Variants in CSMD1 observed in about 807,000 individuals in gnomAD.
The protein encoded by CSMD1 is CUB and sushi domain-containing protein 1.
In CSMD1, 213 loss-of-function variants were observed where a neutral mutation model predicts 417.5. That is an observed-to-expected ratio of 0.51 (90% CI 0.46 to 0.57). The LOEUF is 0.57. Ranked by LOEUF, CSMD1 falls within the 20% of genes least tolerant of loss-of-function variation. The pLI, the probability that CSMD1 is intolerant of heterozygous loss-of-function variation, is 0.00. For synonymous variants in CSMD1, 2,862 were observed against 1,736.8 expected (o/e 1.65, Z -16.11); for missense variants, 6,923 against 4,529.7 (o/e 1.53, Z -15.17).
At chr8:4,242,308 T>C (rs1322947113) in intron 3 of CSMD1, among the ~76,000 whole-genome samples, 1 of 152,144 alleles carries the variant, frequency 6.6e-6, no homozygotes, top group Non-Finnish European at 1.5e-5. Context: ...TTCATAGTAG[T>C]GTAATTACAA....
At chr8:4,431,887 T>G (rs1797890536) in intron 2 of CSMD1, among the ~76,000 whole-genome samples, 1 of 152,300 alleles carries the variant, frequency 6.6e-6, no homozygotes, top group South Asian at 2.1e-4. Context: ...TATATACTAT[T>G]AAAATATGTG....
At chr8:3,534,012 GGAA>G (rs1322152325) in intron 10 of CSMD1, among the ~76,000 whole-genome samples, 20 of 152,178 alleles carry the variant, frequency 1.3e-4, no homozygotes, top group African/African-American at 4.8e-4. Flanking sequence ...CTACTTTTGC[GGAA>G]GAAGAATATT....
intron 1 of CSMD1, among the ~76,000 whole-genome samples, chr8:4,901,839 A>C (rs1026174567): frequency 1.3e-5 from 2 of 151,670 alleles, no homozygotes; most frequent in East Asian, 3.9e-4. Context: ...AATCTGAGTG[A>C]GTAGCATCAT....
In CSMD1 at chr8:4,782,558, G is replaced by A. The variant is rs144914670; in HGVS notation, c.86-145000C>T. ...ATGCTCTAAGACATTTTAGTTTTGT[G>A]CCACTGAGCTTAGAAACACCTACAT... is the stretch of plus-strand genomic sequence containing the variant. On this transcript the variant is annotated intron_variant, in intron 1 of 69. Coordinates refer to ENST00000635120, the MANE Select transcript of CSMD1 (RefSeq NM_033225.6). Among the ~76,000 whole-genome samples the A allele has an allele frequency of 2.6e-4, 40 of 152,120 alleles. No homozygotes were observed. In the East Asian group the frequency reaches 6.6e-3, roughly 25 times the overall value.
intron 21 of CSMD1, among the ~76,000 whole-genome samples, chr8:3,354,919 C>CTATAGATCTATCTATAGATATCGA (rs1808671213): frequency 7.1e-6 from 1 of 141,572 alleles, no homozygotes; most frequent in South Asian, 2.2e-4. Context: ...ATAGATATGT[C>CTATAGATCTATCTATAGATATCGA]TATCTATAGA....
chr8:2,982,456 T>A (rs1222062332), intron 54 of CSMD1, among the ~76,000 whole-genome samples: 1 of 152,204 alleles, frequency 6.6e-6, no homozygotes, highest in African/African-American at 2.4e-5. Context: ...GTCCTTCCTA[T>A]CCAGTAATGT....
intron 36 of CSMD1, 68 bp downstream of exon 36, chr8:3,187,801 A>G: frequency 8.7e-7 from 1 of 1,153,586 alleles, no homozygotes; most frequent in South Asian, 1.3e-5. Context: ...GTTTGCTGTT[A>G]TTTATGTTGT....
chr8:3,819,751 G>C (rs563701809), intron 5 of CSMD1, among the ~76,000 whole-genome samples: 106 of 152,158 alleles, frequency 7.0e-4, no homozygotes, highest in Non-Finnish European at 1.0e-3. Flanking sequence ...ACCATGATCA[G>C]CTAATTTTTA....
chr8:4,123,123 A>G (rs113517292), intron 3 of CSMD1, among the ~76,000 whole-genome samples: 2 of 152,242 alleles, frequency 1.3e-5, no homozygotes, highest in African/African-American at 2.4e-5. Flanking sequence ...ATCAGTACAC[A>G]AAATAGGAAG....
At chr8:3,980,994 A>C (rs1045019458) in intron 5 of CSMD1, among the ~76,000 whole-genome samples, 7 of 152,140 alleles carry the variant, frequency 4.6e-5, no homozygotes, top group South Asian at 2.1e-4. Flanking sequence ...CTTTGTACCC[A>C]CACCCAGAGG....
chr8:3,127,887 G>C (rs1817589302), intron 41 of CSMD1: 1 of 146,122 alleles, frequency 6.8e-6, no homozygotes, highest in Non-Finnish European at 1.5e-5. Context: ...TGAGAGGGAG[G>C]GAGGGAGGAA....
intron 1 of CSMD1, among the ~76,000 whole-genome samples, chr8:4,902,606 C>G (rs1585295008): frequency 6.6e-6 from 1 of 152,146 alleles, no homozygotes; most frequent in Non-Finnish European, 1.5e-5. Flanking sequence ...CATCCTTTGA[C>G]CATTGTAATA....
At chr8:4,174,225 G>C (rs564424480) in intron 3 of CSMD1, among the ~76,000 whole-genome samples, 4 of 152,100 alleles carry the variant, frequency 2.6e-5, no homozygotes, top group African/African-American at 9.7e-5. Flanking sequence ...TGAGGACACC[G>C]TCTTGAAAGC....
At chr8:4,334,031 C>G (rs74797971) in intron 3 of CSMD1, among the ~76,000 whole-genome samples, 11,066 of 152,060 alleles carry the variant, frequency 0.073, 1,325 homozygotes, top group African/African-American at 0.25. Context: ...CCTGGGACCA[C>G]AGGCACCCAC....
intron 5 of CSMD1, among the ~76,000 whole-genome samples, chr8:3,911,866 T>G (rs997562232): frequency 3.9e-5 from 6 of 152,362 alleles, no homozygotes; most frequent in Non-Finnish European, 8.8e-5. Context: ...TTCCCATCTG[T>G]GTTCCATCTT....
chr8:2,938,288 T>G lies in CSMD1; in HGVS notation c.*297A>C. ...CACAGAAATATGAAAGTCTGAGGCA[T>G]TGAGTATGACGTGTTGGCGCGACGT... On this transcript the variant is annotated 3_prime_UTR_variant, in exon 70 of 70. Transcript: ENST00000635120. 4 of 305,776 alleles carry G rather than the reference T, an allele frequency of 1.3e-5. No individual in the cohort carries two copies. The highest frequency in any genetic ancestry group is 1.8e-5 in the Non-Finnish European group (3 of 166,852). The allele number at this position is 305,776 out of a possible 1,614,324, so 18.9% of individuals were successfully genotyped here. A position where few individuals can be genotyped will look rare whatever the true frequency, so the allele number is the denominator to read the frequency against.
chr8:3,801,113 G>A (rs183184152), intron 5 of CSMD1, among the ~76,000 whole-genome samples: 155 of 151,844 alleles, frequency 1.0e-3, no homozygotes, highest in Non-Finnish European at 1.7e-3. Context: ...AGACGGAAAG[G>A]TTAAATTTTA....
intron 3 of CSMD1, among the ~76,000 whole-genome samples, chr8:4,067,205 T>C (rs1227279130): frequency 6.6e-6 from 1 of 152,228 alleles, no homozygotes; most frequent in Non-Finnish European, 1.5e-5. Flanking sequence ...TGCATCTATT[T>C]TATCATCTTT....
intron 37 of CSMD1, among the ~76,000 whole-genome samples, chr8:3,164,107 G>C (rs1176194260): frequency 2.0e-5 from 3 of 152,142 alleles, no homozygotes; most frequent in African/African-American, 7.2e-5. Context: ...ATCTGAGAGG[G>C]CGAAATGGAG....
Sources: gnomAD v4.1 joint callset for allele counts (sites outside exome capture counted in the v4.1 genomes callset) on GRCh38, gnomAD v4.1.1 for gene constraint, MANE v1.5 for transcripts, NCBI Gene and HGNC (gene_info 2026-07-23, HGNC 2026-07-21) for gene names.